Variants in TLK2 observed in about 807,000 individuals in gnomAD.
TLK2 encodes serine/threonine-protein kinase tousled-like 2.
Under a neutral mutation model 117.3 loss-of-function variants are expected in TLK2, and 6 were observed. The ratio of observed to expected loss-of-function variants is 0.05; its 90% CI spans 0.03 to 0.10. The LOEUF (loss-of-function observed/expected upper bound fraction) is 0.10. Ranked by LOEUF, TLK2 falls within the 10% of genes least tolerant of loss-of-function variation. The pLI, the probability that TLK2 is intolerant of heterozygous loss-of-function variation, is 1.00. For missense variants in TLK2, 299 were observed against 901.2 expected (o/e 0.33, Z 8.56); for synonymous variants, 257 against 316.7 (o/e 0.81, Z 2.00).
chr17:62,542,276 C>T (rs2077589362), intron 7 of TLK2, among the ~76,000 whole-genome samples: 1 of 152,016 alleles, frequency 6.6e-6, no homozygotes, highest in Non-Finnish European at 1.5e-5. Context: ...ATAATGTGTT[C>T]CTTATTTAAT....
At chr17:62,594,241 C>T (rs2082291528) in intron 16 of TLK2, among the ~76,000 whole-genome samples, 1 of 152,058 alleles carries the variant, frequency 6.6e-6, no homozygotes, top group Non-Finnish European at 1.5e-5. Flanking sequence ...AACCCCCTCT[C>T]TACTAAAAAT....
intron 2 of TLK2, chr17:62,516,515 G>T (rs1338538157): frequency 9.3e-6 from 15 of 1,608,186 alleles, no homozygotes; most frequent in Non-Finnish European, 1.3e-5. Flanking sequence ...TCCGGGGGCA[G>T]ATGAAGGTAA....
At chr17:62,522,689 A>G (rs1349705026) in intron 4 of TLK2, among the ~76,000 whole-genome samples, 1 of 151,824 alleles carries the variant, frequency 6.6e-6, no homozygotes, top group Non-Finnish European at 1.5e-5. Flanking sequence ...TTAGTTGAAT[A>G]TTGGAACCCA....
At chr17:62,610,206 CTTG>C (rs1568023171) in intron 21 of TLK2, among the ~76,000 whole-genome samples, 10 of 152,158 alleles carry the variant, frequency 6.6e-5, no homozygotes, top group South Asian at 4.1e-4. Context: ...GTTAGATGAA[CTTG>C]TTGTGAAGAA....
chr17:62,551,753 TGA>T (rs1164663846), intron 7 of TLK2: 1 of 154,628 alleles, frequency 6.5e-6, no homozygotes, highest in Non-Finnish European at 1.4e-5. Context: ...ATAATTAACC[TGA>T]ATAGGTTAAT....
At chr17:62,610,171 A>G (rs2083630435) in intron 21 of TLK2, among the ~76,000 whole-genome samples, 2 of 152,254 alleles carry the variant, frequency 1.3e-5, no homozygotes, top group African/African-American at 2.4e-5. Flanking sequence ...ATAGGTGAAC[A>G]AATGTCTCCA....
At chr17:62,491,704 G>T (rs1313650897) in intron 2 of TLK2, among the ~76,000 whole-genome samples, 1 of 152,116 alleles carries the variant, frequency 6.6e-6, no homozygotes, top group Admixed American at 6.6e-5. Flanking sequence ...TTCTGCCTCA[G>T]CCTCCCTAGT....
In TLK2 at chr17:62,514,579, C is replaced by CT. The variant is rs779645456; in HGVS notation, c.82-6178dup. ...ACATAAAATTTACCATCTTAACCTT[C>CT]TTTTTTTTTTTTTTTTGAGATGGAG... On this transcript the variant is annotated intron_variant, in intron 2 of 21. Coordinates refer to ENST00000346027, the MANE Select transcript of TLK2 (RefSeq NM_006852.6). 3.4e-3 allele frequency among the ~76,000 whole-genome samples: 466 copies of CT among 136,114 alleles called. 3 individuals carry two copies. Among genetic ancestry groups the CT allele is most frequent in the Middle Eastern group, 0.012 (3 of 248 alleles). 89.3% of individuals were successfully genotyped at this position (136,114 alleles called of 152,430 possible). A position where few individuals can be genotyped will look rare whatever the true frequency, so the allele number is the denominator to read the frequency against.
At chr17:62,599,900 C>T (rs1483039667) in intron 17 of TLK2, among the ~76,000 whole-genome samples, 1 of 152,188 alleles carries the variant, frequency 6.6e-6, no homozygotes, top group Non-Finnish European at 1.5e-5. Context: ...AAGATAGACA[C>T]GTGACCTGTG....
intron 16 of TLK2, among the ~76,000 whole-genome samples, chr17:62,587,865 T>C (rs1490956277): frequency 6.6e-6 from 1 of 152,098 alleles, no homozygotes; most frequent in Non-Finnish European, 1.5e-5. Flanking sequence ...CACTACTGTA[T>C]TGAGACCCTA....
intron 19 of TLK2, among the ~76,000 whole-genome samples, chr17:62,604,973 T>C (rs1396499872): frequency 2.0e-5 from 3 of 152,182 alleles, no homozygotes; most frequent in Non-Finnish European, 4.4e-5. Flanking sequence ...TATATTTAAA[T>C]GGTCATTTTA....
At chr17:62,553,295 T>TG (rs372773987) in intron 8 of TLK2, 169 of 198,492 alleles carry the variant, frequency 8.5e-4, no homozygotes, top group Middle Eastern at 4.1e-3. Context: ...TTCCACCAGA[T>TG]GGCGCATTTG....
At position 62,546,344 on chromosome 17, in the gene TLK2, G is replaced by GTTTTTTTTTTTT. The variant is rs61100480; in HGVS notation, c.532-5953_532-5942dup. On this transcript the variant is annotated intron_variant, in intron 7 of 21. Coordinates refer to ENST00000346027, the MANE Select transcript of TLK2 (RefSeq NM_006852.6). ...GTTCCCTATTTTGAGTTTGTTGATT[G>GTTTTTTTTTTTT]TTTTTTTTTTTTTTTTACATAATGA... is the stretch of plus-strand genomic sequence containing the variant. 3.6e-3 allele frequency among the ~76,000 whole-genome samples: 84 copies of GTTTTTTTTTTTT among 23,328 alleles called. 18 individuals are homozygous for GTTTTTTTTTTTT. Among genetic ancestry groups the GTTTTTTTTTTTT allele is most frequent in the African/African-American group, 6.5e-3 (64 of 9,860 alleles). The allele number at this position is 23,328 out of a possible 152,430, so 15.3% of individuals were successfully genotyped here.
intron 2 of TLK2, among the ~76,000 whole-genome samples, chr17:62,497,537 A>G (rs1287396530): frequency 6.6e-6 from 1 of 152,104 alleles, no homozygotes; most frequent in Non-Finnish European, 1.5e-5. Context: ...TTCCCCCATT[A>G]TTAGACTGAA....
chr17:62,472,964 C>G (rs2070969516), intron 1 of TLK2, among the ~76,000 whole-genome samples: 1 of 152,146 alleles, frequency 6.6e-6, no homozygotes, highest in South Asian at 2.1e-4. Context: ...TTTAAGACCC[C>G]AAATTCACAC....
rs2084022009 is a variant in TLK2 at position 62,614,947 on chromosome 17, G to C, written c.*2382G>C. The C allele has an allele frequency of 6.6e-6, 1 of 152,074 alleles. No individual in the cohort carries two copies. The highest frequency in any genetic ancestry group is 2.4e-5 in the African/African-American group (1 of 41,384). 9.4% of individuals were successfully genotyped at this position (152,074 alleles called of 1,614,324 possible). The stretch of plus-strand genomic sequence containing the variant: ...CTTCCTCTCCAATGATCTTGCAGTT[G>C]ATTTGTTTGTTTTTTAATTTTTTAA... On this transcript the variant is annotated 3_prime_UTR_variant, in exon 22 of 22. Transcript: ENST00000346027.
intron 9 of TLK2, among the ~76,000 whole-genome samples, chr17:62,557,591 G>A (rs1441354693): frequency 2.0e-5 from 3 of 152,022 alleles, no homozygotes; most frequent in Admixed American, 6.6e-5. Context: ...TCTTATTCCT[G>A]TTTTTATTCA....
chr17:62,483,384 A>G (rs1025572795), intron 2 of TLK2, among the ~76,000 whole-genome samples: 1 of 152,240 alleles, frequency 6.6e-6, no homozygotes, highest in African/African-American at 2.4e-5. Context: ...GACCCAACTT[A>G]AAGTCATGTA....
intron 6 of TLK2, among the ~76,000 whole-genome samples, chr17:62,534,892 T>TTG (rs2077003590): frequency 7.0e-6 from 1 of 141,854 alleles, no homozygotes; most frequent in African/African-American, 2.6e-5. Flanking sequence ...TTTTTTTTTT[T>TTG]TTTTTTTTTT....
Sources: allele counts gnomAD v4.1 joint callset (sites outside exome capture counted in the v4.1 genomes callset), GRCh38; gene constraint gnomAD v4.1.1; transcripts MANE v1.5; gene names NCBI Gene and HGNC (gene_info 2026-07-23, HGNC 2026-07-21).